SHLD1: variants seen among roughly 807,000 people sequenced by gnomAD.
SHLD1 encodes the protein shieldin complex subunit 1, also known as RINN1-REV7-interacting novel NHEJ regulator 3.
In SHLD1, 3 loss-of-function variants were observed where a neutral mutation model predicts 5.5. The ratio of observed to expected loss-of-function variants is 0.54; its 90% CI spans 0.25 to 1.40. The LOEUF is 1.40. SHLD1 is among the 40% of genes most tolerant of loss of function. SHLD1 has a pLI of 0.15. For missense variants in SHLD1, 210 were observed against 244.4 expected (o/e 0.86, Z 0.94); for synonymous variants, 92 against 94.3 (o/e 0.98, Z 0.14).
At chr20:5,825,562 T>G (rs1600158434) in intron 2 of SHLD1, among the ~76,000 whole-genome samples, 1 of 152,124 alleles carries the variant, frequency 6.6e-6, no homozygotes, top group Non-Finnish European at 1.5e-5. Flanking sequence ...ACAACCTGAG[T>G]TAAGATGGTG....
intron 2 of SHLD1, among the ~76,000 whole-genome samples, chr20:5,784,739 C>G (rs925288855): frequency 1.3e-5 from 2 of 152,208 alleles, no homozygotes; most frequent in African/African-American, 4.8e-5. Flanking sequence ...CGTGAGCCAC[C>G]GCGCCCGGCC....
chr20:5,766,098 G>T (rs1366704105), intron 1 of SHLD1, among the ~76,000 whole-genome samples: 2 of 152,082 alleles, frequency 1.3e-5, no homozygotes, highest in African/African-American at 4.8e-5. Context: ...CGGCACCTTT[G>T]CAGGCAGGCA....
intron 2 of SHLD1, among the ~76,000 whole-genome samples, chr20:5,793,772 C>T (rs374748967): frequency 1.3e-5 from 2 of 151,984 alleles, no homozygotes; most frequent in East Asian, 1.9e-4. Flanking sequence ...TGCAGTGACA[C>T]GATCTCGGCT....
At chr20:5,776,916 A>G (rs981412697) in intron 2 of SHLD1, among the ~76,000 whole-genome samples, 4 of 152,114 alleles carry the variant, frequency 2.6e-5, no homozygotes, top group African/African-American at 4.8e-5. Context: ...GATCACTCCC[A>G]TTTATTGAGC....
intron 2 of SHLD1, among the ~76,000 whole-genome samples, chr20:5,844,799 A>ATATATATATATATTT (rs1460082835): frequency 2.8e-5 from 2 of 71,716 alleles, no homozygotes; most frequent in East Asian, 7.5e-4. Flanking sequence ...ATATATATAT[A>ATATATATATATATTT]TTTTTTTTTT....
At chr20:5,797,082 G>C (rs2087224589) in intron 2 of SHLD1, among the ~76,000 whole-genome samples, 1 of 152,116 alleles carries the variant, frequency 6.6e-6, no homozygotes, top group African/African-American at 2.4e-5. Context: ...TTGCTCCAAA[G>C]TAATGATAGG....
intron 2 of SHLD1, among the ~76,000 whole-genome samples, chr20:5,785,109 A>G (rs2087041718): frequency 6.6e-6 from 1 of 152,162 alleles, no homozygotes; most frequent in Non-Finnish European, 1.5e-5. Flanking sequence ...ACAATAGTCA[A>G]TCCCAAAGAC....
At chr20:5,777,867 T>G (rs143748719) in intron 2 of SHLD1, among the ~76,000 whole-genome samples, 76 of 152,240 alleles carry the variant, frequency 5.0e-4, no homozygotes, top group African/African-American at 1.7e-3. Flanking sequence ...GAACAAACAC[T>G]TTGGAGAGGT....
chr20:5,857,809 TA>T (rs749021082), intron 2 of SHLD1, among the ~76,000 whole-genome samples: 4 of 146,682 alleles, frequency 2.7e-5, no homozygotes, highest in East Asian at 2.0e-4. Context: ...AAACCCTGTC[TA>T]AAAAAAAAAC....
chr20:5,766,060 T>C (rs1289213684), intron 1 of SHLD1, among the ~76,000 whole-genome samples: 1 of 152,210 alleles, frequency 6.6e-6, no homozygotes, highest in Non-Finnish European at 1.5e-5. Flanking sequence ...ATATTGCTGA[T>C]GACACTCTCA....
Position 5,801,521 on chromosome 20 carries a change from G to A in SHLD1, c.178+28478G>A, listed in dbSNP as rs1007797750. Among the ~76,000 whole-genome samples the A allele has an allele frequency of 5.3e-5, 8 of 152,178 alleles. No individual in the cohort carries two copies. The South Asian group carries it at 1.0e-3, about 20-fold the overall frequency. On this transcript the variant is annotated intron_variant, in intron 2 of 2. Coordinates refer to ENST00000303142, the MANE Select transcript of SHLD1 (RefSeq NM_152504.4). ...CAGTTCATTGCTCAGGACTACTTAC[G>A]TGGCCCCAGGACGTGCAGTCCTGTC...
Position 5,863,194 on chromosome 20 carries a change from C to T in SHLD1, c.349C>T (p.Leu117Phe). 3 of 1,614,178 alleles carry T rather than the reference C, an allele frequency of 1.9e-6. No individual in the cohort carries two copies. Among genetic ancestry groups the T allele is most frequent in the Non-Finnish European group, 1.7e-6 (2 of 1,180,028 alleles). Reference sequence around the variant, plus strand: ...TCCACAGCCAGGCTCTGCAAACTCACTCTCTGCATCTGTCTGCAAGTGCCT... The same window carrying T: ...TCCACAGCCAGGCTCTGCAAACTCATTCTCTGCATCTGTCTGCAAGTGCCT... ...GHPQPGSANSLSASVCKCLSQ... is the reference protein window; with the variant it reads ...GHPQPGSANSFSASVCKCLSQ... The change falls in exon 3 of 3, where the codon CTC becomes TTC. Residue 117 changes from leucine (L) to phenylalanine (F), a missense_variant. Physicochemically the swap from Leu to Phe is conservative, Grantham distance 22 (BLOSUM62 0). Transcript: ENST00000303142.
In SHLD1 at chr20:5,780,519, C is replaced by T. The variant is rs186776393; in HGVS notation, c.178+7476C>T. ...AGCTTCCAGGTTGGAGTCAGTGTCA[C>T]AGTTCTAACCCCTGGAAGAGTAGTA... On this transcript the variant is annotated intron_variant, in intron 2 of 2. Coordinates refer to ENST00000303142, the MANE Select transcript of SHLD1 (RefSeq NM_152504.4). Among the ~76,000 whole-genome samples the T allele has an allele frequency of 3.8e-4, 58 of 152,266 alleles. No homozygotes were observed. In the South Asian group the frequency reaches 9.8e-3, roughly 26 times the overall value.
chr20:5,773,357 A>ATTT, intron 2 of SHLD1: 1 of 545,222 alleles, frequency 1.8e-6, no homozygotes, highest in Non-Finnish European at 3.3e-6. Flanking sequence ...AGAGAGTGGA[A>ATTT]TTTTTTTTTG....
intron 2 of SHLD1, among the ~76,000 whole-genome samples, chr20:5,793,106 T>G (rs761021944): frequency 7.9e-5 from 12 of 152,230 alleles, no homozygotes; most frequent in South Asian, 2.1e-4. Context: ...AGGGTTTATT[T>G]CTGGGTCTTT....
At chr20:5,852,161 C>A (rs1382561856) in intron 2 of SHLD1, among the ~76,000 whole-genome samples, 1 of 152,124 alleles carries the variant, frequency 6.6e-6, no homozygotes, top group Non-Finnish European at 1.5e-5. Flanking sequence ...GCCAATTAAA[C>A]CTCTTTTCTT....
chr20:5,784,251 G>A (rs2087026345), intron 2 of SHLD1, among the ~76,000 whole-genome samples: 1 of 151,528 alleles, frequency 6.6e-6, no homozygotes, highest in Non-Finnish European at 1.5e-5. Flanking sequence ...AATCACCCAA[G>A]GCCATGTAGT....
intron 2 of SHLD1, among the ~76,000 whole-genome samples, chr20:5,808,502 T>C (rs1251452847): frequency 6.6e-6 from 1 of 152,230 alleles, no homozygotes; most frequent in African/African-American, 2.4e-5. Context: ...CTTGCCCTTT[T>C]TTCACTTATT....
intron 2 of SHLD1, among the ~76,000 whole-genome samples, chr20:5,807,105 T>C (rs1375110504): frequency 6.6e-6 from 1 of 152,220 alleles, no homozygotes; most frequent in African/African-American, 2.4e-5. Flanking sequence ...TACGCCTCTC[T>C]TGTGCTGGGC....
Sources: allele counts gnomAD v4.1 joint callset (sites outside exome capture counted in the v4.1 genomes callset), GRCh38; gene constraint gnomAD v4.1.1; transcripts MANE v1.5; gene names NCBI Gene and HGNC (gene_info 2026-07-23, HGNC 2026-07-21).